Variants in PPP1R13L observed in about 807,000 individuals in gnomAD.
The protein encoded by PPP1R13L is relA-associated inhibitor.
In PPP1R13L, 50 loss-of-function variants were observed where a neutral mutation model predicts 80.9. That is an observed-to-expected ratio of 0.62 (90% CI 0.49 to 0.78). The LOEUF is 0.78. Ranked by LOEUF, PPP1R13L falls within the 30% of genes least tolerant of loss-of-function variation. PPP1R13L has a pLI of 0.00. For missense variants in PPP1R13L, 1,200 were observed against 1,205.9 expected (o/e 1.00, Z 0.07); for synonymous variants, 602 against 534.3 (o/e 1.13, Z -1.75).
At chr19:45,389,539 G>A (rs755750013) in intron 8 of PPP1R13L, among the ~76,000 whole-genome samples, 28 of 152,144 alleles carry the variant, frequency 1.8e-4, no homozygotes, top group Non-Finnish European at 3.1e-4. Context: ...GCGGGGTGTG[G>A]TGGCTCACAC....
In PPP1R13L at chr19:45,385,815, G is replaced by C. The variant is rs372597492; in HGVS notation, c.2081+9C>G. The C allele has an allele frequency of 3.1e-6, 5 of 1,610,192 alleles. No homozygotes were observed. Among genetic ancestry groups the C allele is most frequent in the African/African-American group, 1.3e-5 (1 of 74,890 alleles). On this transcript the variant is annotated intron_variant, in intron 10 of 12. Coordinates refer to ENST00000360957, the MANE Select transcript of PPP1R13L (RefSeq NM_006663.4). ...GGGGACCCAGCCCACCGCGCGGGTC[G>C]GGGCTCACCAGCCGTGGCTGTCGGG... is the stretch of plus-strand genomic sequence containing the variant.
chr19:45,390,083 G>A lies in PPP1R13L; in HGVS notation c.1815+1797C>T, dbSNP rs1229438940. Among the ~76,000 whole-genome samples the A allele has an allele frequency of 2.7e-5, 4 of 148,658 alleles. No homozygotes were observed. The East Asian group carries it at 6.1e-4, about 23-fold the overall frequency. ...TGGGATTACAGGCATGAACCACCAC[G>A]CCCGGCCTATTTATTTATTTATTTA... On this transcript the variant is annotated intron_variant, in intron 8 of 12. Transcript: ENST00000360957.
At chr19:45,395,912 GA>G in intron 6 of PPP1R13L, 26 bp from the exon 7 acceptor site, 1 of 1,538,632 alleles carries the variant, frequency 6.5e-7, no homozygotes, top group Admixed American at 1.9e-5. Context: ...GGGAGAAGGG[GA>G]TCGGGTGAGA....
intron 8 of PPP1R13L, among the ~76,000 whole-genome samples, chr19:45,390,646 C>T (rs889701886): frequency 5.9e-5 from 9 of 152,148 alleles, no homozygotes; most frequent in African/African-American, 1.7e-4. Context: ...CTGATGCTCC[C>T]GGCCGAATAA....
intron 1 of PPP1R13L, among the ~76,000 whole-genome samples, chr19:45,399,732 T>C (rs1360421865): frequency 6.6e-6 from 1 of 151,484 alleles, no homozygotes; most frequent in Non-Finnish European, 1.5e-5. Context: ...GGTGGATGGA[T>C]CGCTTGAAGC....
chr19:45,400,328 G>C (rs561757483), intron 1 of PPP1R13L, among the ~76,000 whole-genome samples: 1 of 151,860 alleles, frequency 6.6e-6, no homozygotes, highest in Non-Finnish European at 1.5e-5. Flanking sequence ...ACTAGGAACC[G>C]GTCAGGCCAG....
chr19:45,399,485 G>A lies in PPP1R13L; in HGVS notation c.-21-1146C>T, dbSNP rs906334309. 7.3e-5 allele frequency among the ~76,000 whole-genome samples: 11 copies of A among 150,672 alleles called. No individual in the cohort carries two copies. The South Asian group carries it at 1.5e-3, about 20-fold the overall frequency. On this transcript the variant is annotated intron_variant, in intron 1 of 12. Transcript: ENST00000360957. Reference sequence around the variant, plus strand: ...TAAAAATACCAAAAATTAGCCAGGCGTGGTGATGGACGCCTGTAGTCCCAG... The same window carrying A: ...TAAAAATACCAAAAATTAGCCAGGCATGGTGATGGACGCCTGTAGTCCCAG...
chr19:45,402,593 TC>T (rs1295286030), intron 1 of PPP1R13L, among the ~76,000 whole-genome samples: 1 of 150,120 alleles, frequency 6.7e-6, no homozygotes, highest in Non-Finnish European at 1.5e-5. Context: ...GTGCTGTACA[TC>T]CCGGGGCAAG....
rs777242629 is a variant in PPP1R13L, at chr19:45,396,894, C to G, written c.363G>C (p.Pro121=). The change falls in exon 4 of 13, where the codon CCG becomes CCC. Residue 121 remains proline, a synonymous_variant. Transcript: ENST00000360957. The surrounding 1 kb of genome is among the most constrained non-coding windows in gnomAD (Gnocchi z 5.3). ...PLSPKGRPSS[P]RTPLYLQPDA... is the part of the protein sequence containing the mutation. The stretch of plus-strand genomic sequence containing the variant: ...CCGGCTGCAGGTAGAGCGGGGTGCG[C>G]GGCGACGACGGCCGTCCCTTGGGGG... 6.6e-7 allele frequency: 1 copy of G among 1,516,540 alleles called. No individual in the cohort carries two copies. Among genetic ancestry groups the G allele is most frequent in the South Asian group, 1.3e-5 (1 of 79,788 alleles). 93.9% of individuals were successfully genotyped at this position (1,516,540 alleles called of 1,614,324 possible).
At chr19:45,381,167 G>C (rs376143005) in intron 12 of PPP1R13L, among the ~76,000 whole-genome samples, 18 of 151,496 alleles carry the variant, frequency 1.2e-4, no homozygotes, top group Middle Eastern at 3.4e-3. Context: ...CGATTCTCCT[G>C]TGTCAGCCTC....
rs768266980 is a variant in PPP1R13L, at chr19:45,398,295, G to A, written c.24C>T (p.Ser8=). The A allele has an allele frequency of 8.7e-6, 14 of 1,613,862 alleles. No homozygotes were observed. The highest frequency in any genetic ancestry group is 1.2e-5 in the Non-Finnish European group (14 of 1,179,944). MDSEAFQ[S]ARDFLDMNFQ... ...AGTTCATGTCCAGAAAGTCCCGCGC[G>A]CTCTGGAATGCCTCGCTGTCCATGG... is the stretch of plus-strand genomic sequence containing the variant. Residue 8 remains serine (S), a synonymous_variant, in exon 2 of 13, where the codon AGC becomes AGT. Coordinates refer to ENST00000360957, the MANE Select transcript of PPP1R13L (RefSeq NM_006663.4).
Position 45,392,333 on chromosome 19 carries a change from G to A in PPP1R13L, c.1362C>T (p.Pro454=), listed in dbSNP as rs1197522271. 1.9e-6 allele frequency: 3 copies of A among 1,613,078 alleles called. No individual in the cohort carries two copies. The highest frequency in any genetic ancestry group is 2.7e-5 in the African/African-American group (2 of 75,012). Residue 454 remains proline, a synonymous_variant, in exon 8 of 13, where the codon CCC becomes CCT. Transcript: ENST00000360957. ...CAGGCTCCAGCTCGGTGGGGGGTTT[G>A]GGGGGTCCTAGCCGGAACAAGAGCC... is the stretch of plus-strand genomic sequence containing the variant. ...QTWPPVNEGP[P]KPPTELEPEP... is the part of the protein sequence containing the mutation.
chr19:45,399,060 C>A (rs902250255), intron 1 of PPP1R13L, among the ~76,000 whole-genome samples: 2 of 151,834 alleles, frequency 1.3e-5, no homozygotes, highest in East Asian at 3.9e-4. Flanking sequence ...TCTCCTGTCT[C>A]AGCCTCCCGA....
At chr19:45,404,255 GAACTACCT>G (rs1599782160) in intron 1 of PPP1R13L, among the ~76,000 whole-genome samples, 2 of 152,262 alleles carry the variant, frequency 1.3e-5, no homozygotes, top group East Asian at 3.9e-4. Context: ...CTGGGTTCTA[GAACTACCT>G]CTGCAAACCC....
chr19:45,381,621 T>C (rs1972763649), intron 12 of PPP1R13L, among the ~76,000 whole-genome samples: 1 of 152,042 alleles, frequency 6.6e-6, no homozygotes, highest in African/African-American at 2.4e-5. Context: ...GCACCCTACA[T>C]CCTGACAGCT....
Position 45,395,700 on chromosome 19 carries a change from C to A in PPP1R13L, c.1090G>T (p.Ala364Ser). The stretch of plus-strand genomic sequence containing the variant: ...AGGGGGATGGGACGCTGGCGCGGGG[C>A]CCCGCGGGGCTGGGGGCTGGAGGGG... ...MPPSSPQPRG[A>S]PRQRPIPLSM... is the part of the protein sequence containing the mutation. The change falls in exon 7 of 13, where the codon GCC (alanine) becomes TCC (serine). Residue 364 changes from alanine to serine, a missense_variant. Coordinates refer to ENST00000360957, the MANE Select transcript of PPP1R13L (RefSeq NM_006663.4). 2 of 1,445,482 alleles carry A rather than the reference C, an allele frequency of 1.4e-6. No individual in the cohort carries two copies. The highest frequency in any genetic ancestry group is 1.8e-6 in the Non-Finnish European group (2 of 1,109,524). The allele number at this position is 1,445,482 out of a possible 1,614,324, so 89.5% of individuals were successfully genotyped here. A position where few individuals can be genotyped will look rare whatever the true frequency, so the allele number is the denominator to read the frequency against.
intron 8 of PPP1R13L, among the ~76,000 whole-genome samples, chr19:45,387,004 C>G (rs749851857): frequency 1.3e-5 from 2 of 151,526 alleles, no homozygotes; most frequent in African/African-American, 4.8e-5. Flanking sequence ...CGAGGTGGCT[C>G]ATGTCTGTAA....
Position 45,396,191 on chromosome 19 carries a change from C to G in PPP1R13L, c.880G>C (p.Asp294His). The change falls in exon 6 of 13, where the codon GAT becomes CAT. Residue 294 changes from aspartate to histidine, a missense_variant. By Grantham distance (81) the Asp-to-His change is moderately conservative. Coordinates refer to ENST00000360957, the MANE Select transcript of PPP1R13L (RefSeq NM_006663.4). This position sits in a 1 kb window ranked among gnomAD's most constrained non-coding sequence, Gnocchi z 5.3. Reference sequence around the variant, plus strand: ...ACCTTGCCGGTGCCCCCCAGTCCATCCAGGCTGCTCTCCCTCCAAGGCAAC... The same window carrying G: ...ACCTTGCCGGTGCCCCCCAGTCCATGCAGGCTGCTCTCCCTCCAAGGCAAC... ...QLLPWRESSL[D>H]GLGGTGKDNL... is the part of the protein sequence containing the mutation. 6.2e-7 allele frequency: 1 copy of G among 1,610,800 alleles called. No individual in the cohort carries two copies. The highest frequency in any genetic ancestry group is 8.5e-7 in the Non-Finnish European group (1 of 1,179,334).
chr19:45,393,509 T>C (rs1313175025), intron 7 of PPP1R13L, among the ~76,000 whole-genome samples: 1 of 151,382 alleles, frequency 6.6e-6, no homozygotes, highest in African/African-American at 2.4e-5. Context: ...GGAGAATCGC[T>C]TGAACCTGGG....
Sources: allele counts gnomAD v4.1 joint callset (sites outside exome capture counted in the v4.1 genomes callset), GRCh38; gene constraint gnomAD v4.1.1; non-coding constraint Gnocchi (gnomAD v3.1); transcripts MANE v1.5; gene names NCBI Gene and HGNC (gene_info 2026-07-23, HGNC 2026-07-21).